Variants in SIPA1L3 observed in about 807,000 individuals in gnomAD.
SIPA1L3 encodes the protein signal-induced proliferation-associated 1-like protein 3.
Under a neutral mutation model 150.1 loss-of-function variants are expected in SIPA1L3, and 59 were observed. The ratio of observed to expected loss-of-function variants is 0.39; its 90% CI spans 0.32 to 0.49. The LOEUF (loss-of-function observed/expected upper bound fraction) is 0.49. Ranked by LOEUF, SIPA1L3 falls within the 20% of genes least tolerant of loss-of-function variation. The probability of loss-of-function intolerance (pLI) is 0.86; values close to 1 mark genes in which losing one functional copy is unlikely to be tolerated. For missense variants in SIPA1L3, 2,211 were observed against 2,489.5 expected (o/e 0.89, Z 2.38); for synonymous variants, 1,070 against 1,077.6 (o/e 0.99, Z 0.14).
At chr19:37,943,217 A>G (rs1032547444) in intron 1 of SIPA1L3, among the ~76,000 whole-genome samples, 16 of 151,996 alleles carry the variant, frequency 1.1e-4, no homozygotes, top group Admixed American at 7.2e-4. Context: ...TCTAGCCCTC[A>G]TATGGTAGAC....
chr19:37,988,369 T>A (rs539079216), intron 1 of SIPA1L3, among the ~76,000 whole-genome samples: 11 of 151,888 alleles, frequency 7.2e-5, no homozygotes, highest in Non-Finnish European at 1.0e-4. Flanking sequence ...TTTATAATTT[T>A]TAAAAAATTA....
intron 1 of SIPA1L3, among the ~76,000 whole-genome samples, chr19:37,924,694 G>A (rs1260970226): frequency 6.8e-6 from 1 of 147,000 alleles, no homozygotes; most frequent in East Asian, 2.0e-4. Context: ...AAAAAAAAAA[G>A]TATATATACT....
chr19:38,008,265 T>C (rs1214251069), intron 1 of SIPA1L3, among the ~76,000 whole-genome samples: 1 of 141,854 alleles, frequency 7.0e-6, no homozygotes, highest in Non-Finnish European at 1.5e-5. Flanking sequence ...TCTTGCTCTG[T>C]CTGCCAGGCT....
rs1351189261 is a variant in SIPA1L3 at position 38,143,269 on chromosome 19, T to C, written c.3533+559T>C. Among the ~76,000 whole-genome samples the C allele has an allele frequency of 2.0e-5, 3 of 152,290 alleles. No individual in the cohort carries two copies. In the East Asian group the frequency reaches 5.8e-4, roughly 30 times the overall value. On this transcript the variant is annotated intron_variant, in intron 12 of 21. Transcript: ENST00000222345. ...ATTCCCCAGCTGCCTTCAGCCCTCG[T>C]GCCCTCTGTTCTTCCTCTGCCCCCA...
At chr19:38,162,425 G>C in intron 14 of SIPA1L3, 54 bp downstream of exon 14, 1 of 1,343,282 alleles carries the variant, frequency 7.4e-7, no homozygotes, top group Non-Finnish European at 1.1e-6. Flanking sequence ...GCCTGGGTGT[G>C]GCCTCTGAGC....
At chr19:38,003,303 A>G (rs1038311949) in intron 1 of SIPA1L3, among the ~76,000 whole-genome samples, 2 of 152,318 alleles carry the variant, frequency 1.3e-5, no homozygotes, top group East Asian at 3.9e-4. Context: ...AGCCATATGG[A>G]TAAGTACTGT....
chr19:38,164,431 C>T lies in SIPA1L3; in HGVS notation c.3781-48C>T, dbSNP rs369586005. ...AGGGAGGACCCGGCAAGGGAAGATG[C>T]GCCCCTGCCCTGGAGTCTGGGAATG... On this transcript the variant is annotated intron_variant, in intron 14 of 21. Coordinates refer to ENST00000222345, the MANE Select transcript of SIPA1L3 (RefSeq NM_015073.3). The surrounding 1 kb of genome is among the most constrained non-coding windows in gnomAD (Gnocchi z 4.1). 28 of 1,524,402 alleles carry T rather than the reference C, an allele frequency of 1.8e-5. No individual in the cohort carries two copies. The African/African-American group carries it at 2.6e-4, about 14-fold the overall frequency. The allele number at this position is 1,524,402 out of a possible 1,614,324, so 94.4% of individuals were successfully genotyped here.
At chr19:38,110,181 G>A in intron 7 of SIPA1L3, 46 bp from the exon 8 acceptor site, 1 of 1,598,044 alleles carries the variant, frequency 6.3e-7, no homozygotes, top group Non-Finnish European at 8.6e-7. Flanking sequence ...GACCCGTCAG[G>A]CCGACCTGTG....
intron 12 of SIPA1L3, among the ~76,000 whole-genome samples, chr19:38,149,141 A>G (rs1374427192): frequency 3.3e-5 from 5 of 152,230 alleles, no homozygotes; most frequent in African/African-American, 1.2e-4. Context: ...CTGTAATCCC[A>G]GCACTTTGGG....
intron 2 of SIPA1L3, among the ~76,000 whole-genome samples, chr19:38,043,228 T>C (rs1968966446): frequency 6.6e-6 from 1 of 152,150 alleles, no homozygotes; most frequent in African/African-American, 2.4e-5. Flanking sequence ...TAATCCCAGC[T>C]ACTGGGGAGG....
chr19:38,061,330 C>T (rs1443634514), intron 2 of SIPA1L3, among the ~76,000 whole-genome samples: 2 of 152,088 alleles, frequency 1.3e-5, no homozygotes, highest in African/African-American at 4.8e-5. Context: ...TCCCAGCGTG[C>T]TGGGATTACA....
chr19:37,975,566 A>T (rs13344793), intron 1 of SIPA1L3, among the ~76,000 whole-genome samples: 1,748 of 152,312 alleles, frequency 0.011, 34 homozygotes, highest in African/African-American at 0.039. Flanking sequence ...TCACTGGTGG[A>T]TTAAATGAGT....
At chr19:38,062,412 C>T (rs1443079165) in intron 2 of SIPA1L3, among the ~76,000 whole-genome samples, 1 of 152,150 alleles carries the variant, frequency 6.6e-6, no homozygotes, top group Non-Finnish European at 1.5e-5. Flanking sequence ...TCTGAGCCTC[C>T]CTGTTCCCTT....
chr19:37,921,956 G>A (rs1371978935), intron 1 of SIPA1L3, among the ~76,000 whole-genome samples: 1 of 152,046 alleles, frequency 6.6e-6, no homozygotes, highest in Non-Finnish European at 1.5e-5. Context: ...AGGCTTTCAG[G>A]TGAGTCTAGT....
intron 1 of SIPA1L3, among the ~76,000 whole-genome samples, chr19:37,918,384 C>T (rs1414427854): frequency 2.6e-5 from 4 of 151,742 alleles, no homozygotes; most frequent in Non-Finnish European, 4.4e-5. Flanking sequence ...CTCAGCCTCC[C>T]GATTAGCTGG....
At position 38,164,581 on chromosome 19, in the gene SIPA1L3, G is replaced by C. The variant is rs1972163704; in HGVS notation, c.3883G>C (p.Glu1295Gln). The change falls in exon 15 of 22, where the codon GAG (glutamate) becomes CAG (glutamine). Residue 1295 changes from glutamate to glutamine, a missense_variant. Physicochemically the swap from Glu to Gln is conservative, Grantham distance 29. Around this residue, in one of 5 missense-constraint regions of SIPA1L3, gnomAD observed 806 missense variants for 870.1 expected, o/e 0.93. Coordinates refer to ENST00000222345, the MANE Select transcript of SIPA1L3 (RefSeq NM_015073.3). This position sits in a 1 kb window ranked among gnomAD's most constrained non-coding sequence, Gnocchi z 4.1. ...DRWFDPLDPL[E>Q]PEQDPLSKGG... ...CTGGTTCGACCCCCTGGACCCCCTG[G>C]AGCCAGAGCAAGACCCCCTCTCCAA... is the stretch of plus-strand genomic sequence containing the variant. The C allele has an allele frequency of 6.2e-7, 1 of 1,614,054 alleles. No individual in the cohort carries two copies. The highest frequency in any genetic ancestry group is 8.5e-7 in the Non-Finnish European group (1 of 1,180,004).
chr19:37,945,122 C>G (rs10415399), intron 1 of SIPA1L3, among the ~76,000 whole-genome samples: 57,498 of 151,922 alleles, frequency 0.38, 13,703 homozygotes, highest in East Asian at 0.71. Context: ...TCATGTACTG[C>G]TTATTGCTGG....
intron 2 of SIPA1L3, among the ~76,000 whole-genome samples, chr19:38,056,423 T>C (rs996661054): frequency 6.6e-6 from 1 of 152,084 alleles, no homozygotes; most frequent in Non-Finnish European, 1.5e-5. Flanking sequence ...TCACACCCCT[T>C]TCCATGGCCA....
chr19:38,103,353 G>A (rs1387886305), intron 6 of SIPA1L3, among the ~76,000 whole-genome samples: 4 of 151,826 alleles, frequency 2.6e-5, no homozygotes, highest in East Asian at 2.0e-4. Flanking sequence ...GGGGCTGGGC[G>A]CAATGGCCCA....
Sources: gnomAD v4.1 joint callset for allele counts (sites outside exome capture counted in the v4.1 genomes callset) on GRCh38, gnomAD v4.1.1 for gene constraint, gnomAD v4.1.1 regional missense constraint, Gnocchi (gnomAD v3.1) non-coding constraint, MANE v1.5 for transcripts, NCBI Gene and HGNC (gene_info 2026-07-23, HGNC 2026-07-21) for gene names.